The following FAM184A variants were observed in gnomAD, a reference collection of about 807,000 sequenced individuals.
FAM184A encodes family with sequence similarity 184 member A, also known as protein FAM184A.
FAM184A carries 99 observed loss-of-function variants against 143.8 expected under a neutral mutation model. That is an observed-to-expected ratio of 0.69 (90% CI 0.58 to 0.81). FAM184A has a LOEUF of 0.81. Among genes scored for constraint, FAM184A ranks in the 40% least tolerant of loss-of-function variants. The pLI is 0.00. For synonymous variants in FAM184A, 427 were observed against 446.4 expected (o/e 0.96, Z 0.55); for missense variants, 1,217 against 1,310.5 (o/e 0.93, Z 1.10).
Position 119,045,809 on chromosome 6 carries a change from A to G in FAM184A, c.160-20996T>C, listed in dbSNP as rs576164752. On this transcript the variant is annotated intron_variant, in intron 1 of 17. Transcript: ENST00000338891. ...CAATAAAGCCAATTAAAAAAAATTT[A>G]TATTGCAAAAATCTGGATTAGGGAA... Among the ~76,000 whole-genome samples, 8 of 152,294 alleles carry G rather than the reference A, an allele frequency of 5.3e-5. No homozygotes were observed. In the East Asian group the frequency reaches 1.3e-3, roughly 26 times the overall value.
chr6:119,136,870 G>A lies in FAM184A; in HGVS notation c.-202+12208C>T, dbSNP rs570808391. On this transcript the variant is annotated intron_variant, in intron 1 of 16. Transcript: ENST00000352896. ...ACGGCTACAGTAAGAGGGTTGACAT[G>A]GTGCTGGGAGAAGTCTGGGATTGTC... 4.9e-4 allele frequency among the ~76,000 whole-genome samples: 75 copies of A among 152,290 alleles called. 1 individual carries two copies. The South Asian group carries it at 0.015, about 30-fold the overall frequency.
intron 1 of FAM184A, among the ~76,000 whole-genome samples, chr6:119,073,973 G>A (rs1234217812): frequency 6.6e-6 from 1 of 152,192 alleles, no homozygotes; most frequent in Non-Finnish European, 1.5e-5. Context: ...AAGTGGAGGT[G>A]AAGGTACTGC....
intron 2 of FAM184A, 150 bp from the exon 3 acceptor site, chr6:119,023,230 ACTT>A: frequency 1.3e-6 from 1 of 787,512 alleles, no homozygotes. Context: ...GTGATTTATA[ACTT>A]GATGTTTTCA....
chr6:119,080,122 C>T (rs978277362), upstream of FAM184A, among the ~76,000 whole-genome samples: 1 of 152,220 alleles, frequency 6.6e-6, no homozygotes, highest in Non-Finnish European at 1.5e-5. Context: ...AATGTATGCT[C>T]AAAAGACTCT....
At position 119,078,202 on chromosome 6, in the gene FAM184A, C is replaced by T. The variant is rs1328919211; in HGVS notation, c.98G>A (p.Ser33Asn). The change falls in exon 1 of 18, where the codon AGC (serine) becomes AAC (asparagine). Residue 33 changes from serine to asparagine, a missense_variant. Coordinates refer to ENST00000338891, the MANE Select transcript of FAM184A (RefSeq NM_024581.6). The surrounding 1 kb of genome is among the most constrained non-coding windows in gnomAD (Gnocchi z 5.5). Reference protein sequence around the residue: ...SPATAQLAGHSMDYSQEMHLK... With the variant: ...SPATAQLAGHNMDYSQEMHLK... ...GTGCATCTCCTGGCTGTAGTCCATG[C>T]TGTGCCCAGCCAGCTGTGCGGTGGC... is the stretch of plus-strand genomic sequence containing the variant. The T allele has an allele frequency of 6.3e-7, 1 of 1,576,120 alleles. No homozygotes were observed. The highest frequency in any genetic ancestry group is 8.6e-7 in the Non-Finnish European group (1 of 1,163,676).
chr6:118,973,520 G>C (rs1417470589), intron 14 of FAM184A, among the ~76,000 whole-genome samples: 1 of 152,132 alleles, frequency 6.6e-6, no homozygotes, highest in East Asian at 1.9e-4. Flanking sequence ...GTTTACATTT[G>C]ACTTTGACAT....
intron 4 of FAM184A, among the ~76,000 whole-genome samples, chr6:119,018,521 A>T (rs184243448): frequency 2.3e-4 from 35 of 152,356 alleles, no homozygotes; most frequent in African/African-American, 8.4e-4. Flanking sequence ...AAGTGGTGAA[A>T]GACGGGGCTC....
At chr6:119,020,726 G>A (rs190798010) in intron 3 of FAM184A, among the ~76,000 whole-genome samples, 89 of 152,294 alleles carry the variant, frequency 5.8e-4, no homozygotes, top group Admixed American at 4.0e-3. Context: ...TGTAGTTCCA[G>A]CTACTTGGGA....
intron 5 of FAM184A, among the ~76,000 whole-genome samples, chr6:119,011,789 G>C (rs1785099334): frequency 6.6e-6 from 1 of 152,084 alleles, no homozygotes; most frequent in African/African-American, 2.4e-5. Flanking sequence ...ATGAAATCCA[G>C]TGACACTTCT....
At chr6:118,972,196 T>C (rs1039480747) in intron 14 of FAM184A, among the ~76,000 whole-genome samples, 7 of 152,184 alleles carry the variant, frequency 4.6e-5, no homozygotes, top group African/African-American at 1.7e-4. Flanking sequence ...TAAAACTATG[T>C]TTTCCAACAT....
rs1008789892 is a variant in FAM184A, at chr6:119,078,334, C to T, written c.-35G>A. ...AGACCCCAGCCGGGGCACCTGTCCCCGCGGGTGGAGGCAGGCCCGTGGAGC... is the reference window on the plus strand; with the variant it reads ...AGACCCCAGCCGGGGCACCTGTCCCTGCGGGTGGAGGCAGGCCCGTGGAGC... On this transcript the variant is annotated 5_prime_UTR_variant, in exon 1 of 18. Transcript: ENST00000338891. This position sits in a 1 kb window ranked among gnomAD's most constrained non-coding sequence, Gnocchi z 5.5. 4.2e-6 allele frequency: 6 copies of T among 1,422,726 alleles called. No individual in the cohort carries two copies. Among genetic ancestry groups the T allele is most frequent in the African/African-American group, 1.5e-5 (1 of 66,738 alleles). 88.1% of individuals were successfully genotyped at this position (1,422,726 alleles called of 1,614,324 possible).
At chr6:119,120,844 CTTTCTTT>C (rs1789193422) in intron 1 of FAM184A, among the ~76,000 whole-genome samples, 2 of 120,680 alleles carry the variant, frequency 1.7e-5, no homozygotes, top group Admixed American at 8.1e-5. Flanking sequence ...TTCTTTCTTT[CTTTCTTT>C]TTTTTTTTTT....
At chr6:119,030,964 A>C (rs1030724085) in intron 1 of FAM184A, among the ~76,000 whole-genome samples, 1 of 152,162 alleles carries the variant, frequency 6.6e-6, no homozygotes, top group Non-Finnish European at 1.5e-5. Flanking sequence ...TGCATAATTT[A>C]ACTACGTATT....
At position 119,135,381 on chromosome 6, in the gene FAM184A, A is replaced by ATTGGTAATGC. The variant is rs578005141; in HGVS notation, c.-202+13687_-202+13696dup. The stretch of plus-strand genomic sequence containing the variant: ...AGGAACACACAAAAGGCTCTAAAGA[A>ATTGGTAATGC]TTGGTAATGCTGTGTTTCCCAAAGA... On this transcript the variant is annotated intron_variant, in intron 1 of 16. Coordinates refer to the FAM184A transcript ENST00000352896. Among the ~76,000 whole-genome samples, 155 of 152,304 alleles carry ATTGGTAATGC rather than the reference A, an allele frequency of 1.0e-3. 1 individual carries two copies. The highest frequency in any genetic ancestry group is 3.7e-3 in the African/African-American group (154 of 41,572).
intron 14 of FAM184A, among the ~76,000 whole-genome samples, chr6:118,970,350 C>G (rs1783659511): frequency 6.6e-6 from 1 of 151,918 alleles, no homozygotes; most frequent in Admixed American, 6.6e-5. Flanking sequence ...GTTCATTACT[C>G]TATTTCACAA....
intron 15 of FAM184A, among the ~76,000 whole-genome samples, chr6:118,965,109 G>A (rs569130820): frequency 2.0e-5 from 3 of 151,668 alleles, no homozygotes; most frequent in South Asian, 2.1e-4. Context: ...TGACTGAATT[G>A]TTTCCACAGA....
intron 11 of FAM184A, 147 bp from the exon 12 acceptor site, chr6:118,976,191 TTTAAATATTAC>T (rs1783841587): frequency 4.1e-6 from 3 of 740,080 alleles, no homozygotes; most frequent in Non-Finnish European, 6.5e-6. Context: ...CTATGACAAA[TTTAAATATTAC>T]AGACTACAAT....
intron 1 of FAM184A, among the ~76,000 whole-genome samples, chr6:119,054,469 C>A (rs1786884849): frequency 6.6e-6 from 1 of 152,132 alleles, no homozygotes. Flanking sequence ...CAAATAAGCT[C>A]CCTTGGACCT....
At chr6:119,039,551 TACATG>T in intron 1 of FAM184A, among the ~76,000 whole-genome samples, 1 of 152,330 alleles carries the variant, frequency 6.6e-6, no homozygotes, top group Non-Finnish European at 1.5e-5. Flanking sequence ...TGATCCCAAT[TACATG>T]ACATTCTAGA....
Sources: allele counts gnomAD v4.1 joint callset (sites outside exome capture counted in the v4.1 genomes callset), GRCh38; gene constraint gnomAD v4.1.1; non-coding constraint Gnocchi (gnomAD v3.1); transcripts MANE v1.5; gene names NCBI Gene and HGNC (gene_info 2026-07-23, HGNC 2026-07-21).